The following SCUBE1 variants were observed in gnomAD, a reference collection of about 807,000 sequenced individuals.
The protein encoded by SCUBE1 is signal peptide, CUB domain and EGF like domain containing 1, also known as signal peptide, CUB and EGF-like domain-containing protein 1.
SCUBE1 carries 59 observed loss-of-function variants against 124.4 expected under a neutral mutation model. The observed-to-expected ratio is 0.47, with a 90% confidence interval of 0.38 to 0.59. The LOEUF (loss-of-function observed/expected upper bound fraction) is 0.59, where lower values mean the gene tolerates loss of function less well. Among genes scored for constraint, SCUBE1 ranks in the 20% least tolerant of loss-of-function variants. The pLI, the probability that SCUBE1 is intolerant of heterozygous loss-of-function variation, is 0.00. For missense variants in SCUBE1, 1,150 were observed against 1,371.2 expected, an observed-to-expected ratio of 0.84 and a Z score of 2.55; for synonymous variants, 545 against 550.9, an observed-to-expected ratio of 0.99 and a Z score of 0.15.
intron 3 of SCUBE1, among the ~76,000 whole-genome samples, chr22:43,296,021 T>A (rs1308065016): frequency 6.7e-6 from 1 of 148,892 alleles, no homozygotes; most frequent in Non-Finnish European, 1.5e-5. Flanking sequence ...GCCTGCAGCC[T>A]CTCTAACAGG....
chr22:43,226,441 G>T (rs1362893475), intron 10 of SCUBE1, among the ~76,000 whole-genome samples: 2 of 152,080 alleles, frequency 1.3e-5, no homozygotes, highest in African/African-American at 4.8e-5. Context: ...GGGCCCTCCA[G>T]GCCAAGAGAA....
intron 5 of SCUBE1, among the ~76,000 whole-genome samples, chr22:43,259,255 C>G (rs899340657): frequency 6.6e-6 from 1 of 152,210 alleles, no homozygotes. Context: ...GGCGAGACAG[C>G]TGCACGCCCA....
rs117978708 is a variant in SCUBE1 at position 43,306,681 on chromosome 22, C to A, written c.349+13256G>T. Among the ~76,000 whole-genome samples, 177 of 152,298 alleles carry A rather than the reference C, an allele frequency of 1.2e-3. 6 individuals are homozygous for A. The East Asian group carries it at 0.032, about 28-fold the overall frequency. ...GCCCACCATGTGCCACCTTCCTTCA[C>A]GTACACCCTTCTCTGTATCCCCAGA... is the stretch of plus-strand genomic sequence containing the variant. On this transcript the variant is annotated intron_variant, in intron 3 of 21. Transcript: ENST00000360835.
intron 3 of SCUBE1, among the ~76,000 whole-genome samples, chr22:43,309,671 C>A (rs893876688): frequency 6.8e-6 from 1 of 147,724 alleles, no homozygotes; most frequent in Non-Finnish European, 1.5e-5. Flanking sequence ...AGAACTCAGA[C>A]GAACAGACAC....
chr22:43,217,535 A>ACG (rs958367914), intron 15 of SCUBE1, among the ~76,000 whole-genome samples: 2 of 152,016 alleles, frequency 1.3e-5, no homozygotes, highest in African/African-American at 4.8e-5. Context: ...GCCTTCCCGT[A>ACG]AGAGCGCGCA....
intron 3 of SCUBE1, among the ~76,000 whole-genome samples, chr22:43,317,737 C>G (rs922817237): frequency 1.6e-4 from 24 of 152,224 alleles, no homozygotes; most frequent in Admixed American, 1.3e-4. Context: ...CCCTCTGTTA[C>G]AGGTTGAATT....
intron 2 of SCUBE1, among the ~76,000 whole-genome samples, chr22:43,332,542 G>A (rs1926935923): frequency 6.6e-6 from 1 of 152,126 alleles, no homozygotes; most frequent in African/African-American, 2.4e-5. Flanking sequence ...CTGGCCTGAT[G>A]CTGGGACCCC....
chr22:43,258,361 G>A lies in SCUBE1; in HGVS notation c.611-26C>T, dbSNP rs753452132. On this transcript the variant is annotated intron_variant, in intron 5 of 21. Transcript: ENST00000360835. This position sits in a 1 kb window ranked among gnomAD's most constrained non-coding sequence, Gnocchi z 5.0. ...CTAGTTAGGCCCAAAGTGTACACACGGGTGTATAAACAGAACAACAAAAAC... is the reference window on the plus strand; with the variant it reads ...CTAGTTAGGCCCAAAGTGTACACACAGGTGTATAAACAGAACAACAAAAAC... The A allele has an allele frequency of 9.9e-6, 15 of 1,517,702 alleles. No homozygotes were observed. The highest frequency in any genetic ancestry group is 4.1e-5 in the African/African-American group (3 of 72,940). 94.0% of individuals were successfully genotyped at this position (1,517,702 alleles called of 1,614,324 possible). A position where few individuals can be genotyped will look rare whatever the true frequency, so the allele number is the denominator to read the frequency against.
intron 2 of SCUBE1, among the ~76,000 whole-genome samples, chr22:43,334,448 AG>A (rs547369472): frequency 7.5e-4 from 114 of 152,310 alleles, no homozygotes; most frequent in African/African-American, 2.6e-3. Context: ...GAAAAGACAA[AG>A]CTTTAGTTCT....
intron 3 of SCUBE1, among the ~76,000 whole-genome samples, chr22:43,317,860 C>T (rs1269548175): frequency 6.6e-6 from 1 of 152,122 alleles, no homozygotes; most frequent in East Asian, 1.9e-4. Context: ...TTAGGGTGGG[C>T]CTAATGCAAC....
At chr22:43,288,211 G>A (rs1010996898) in intron 4 of SCUBE1, among the ~76,000 whole-genome samples, 6 of 152,170 alleles carry the variant, frequency 3.9e-5, no homozygotes, top group African/African-American at 1.4e-4. Flanking sequence ...GGTTAAAGCT[G>A]GACTCCTGGC....
chr22:43,224,656 T>C (rs1267042123), intron 10 of SCUBE1, among the ~76,000 whole-genome samples: 5 of 152,206 alleles, frequency 3.3e-5, no homozygotes, highest in African/African-American at 1.2e-4. Flanking sequence ...AGGGCGCTCC[T>C]GTTCTGCCAA....
rs1925342188 is a variant in SCUBE1 at position 43,291,120 on chromosome 22, C to T, written c.410G>A (p.Gly137Asp). The T allele has an allele frequency of 6.2e-7, 1 of 1,613,830 alleles. No homozygotes were observed. The highest frequency in any genetic ancestry group is 8.5e-7 in the Non-Finnish European group (1 of 1,179,876). Residue 137 changes from glycine (G) to aspartate (D), a missense_variant, in exon 4 of 22, where the codon GGC becomes GAC. This residue lies in a region of SCUBE1 where 337 missense variants were observed against 482.1 expected (regional missense o/e 0.70). Transcript: ENST00000360835. Reference protein sequence around the residue: ...GCQQICVNAMGSYECQCHSGF... With the variant: ...GCQQICVNAMDSYECQCHSGF... ...ACTGTGGCACTGACACTCGTAGCTG[C>T]CCATGGCATTGACGCAGATCTGCTG...
At chr22:43,311,706 C>T (rs766970555) in intron 3 of SCUBE1, among the ~76,000 whole-genome samples, 2 of 152,070 alleles carry the variant, frequency 1.3e-5, no homozygotes, top group Non-Finnish European at 2.9e-5. Context: ...GGATTACAGG[C>T]ATGAGTTACT....
intron 4 of SCUBE1, chr22:43,283,088 C>T (rs2146741847): frequency 6.5e-6 from 1 of 152,686 alleles, no homozygotes; most frequent in South Asian, 2.1e-4. Context: ...AGCCAAGCCC[C>T]TGGCCCTGCT....
At chr22:43,278,494 G>A (rs1044412530) in intron 4 of SCUBE1, among the ~76,000 whole-genome samples, 2 of 152,198 alleles carry the variant, frequency 1.3e-5, no homozygotes, top group Admixed American at 6.5e-5. Flanking sequence ...GGCCCTGCAG[G>A]AGCCGTGCTA....
At chr22:43,209,344 C>T (rs1005390141) in intron 19 of SCUBE1, among the ~76,000 whole-genome samples, 1 of 152,238 alleles carries the variant, frequency 6.6e-6, no homozygotes, top group African/African-American at 2.4e-5. Context: ...TGGGCACCCA[C>T]AGCCCGACAG....
intron 6 of SCUBE1, among the ~76,000 whole-genome samples, chr22:43,257,928 G>A (rs1316426038): frequency 1.3e-5 from 2 of 152,282 alleles, no homozygotes; most frequent in South Asian, 2.1e-4. Flanking sequence ...CTTCCAGGAC[G>A]AGGACGTGCA....
intron 7 of SCUBE1, chr22:43,238,467 C>T (rs1601819891): frequency 1.8e-6 from 1 of 561,306 alleles, no homozygotes; most frequent in East Asian, 2.9e-5. Flanking sequence ...CGGAAACGCG[C>T]TACATTCTAC....
Sources: allele counts gnomAD v4.1 joint callset (sites outside exome capture counted in the v4.1 genomes callset), GRCh38; gene constraint gnomAD v4.1.1; regional missense constraint gnomAD v4.1.1; non-coding constraint Gnocchi (gnomAD v3.1); transcripts MANE v1.5; gene names NCBI Gene and HGNC (gene_info 2026-07-23, HGNC 2026-07-21).